SERGEF: variants seen among roughly 807,000 people sequenced by gnomAD.
SERGEF encodes the protein secretion regulating guanine nucleotide exchange factor, also known as secretion-regulating guanine nucleotide exchange factor.
Under a neutral mutation model 50.0 loss-of-function variants are expected in SERGEF, and 51 were observed. That is an observed-to-expected ratio of 1.02 (90% CI 0.81 to 1.29). The LOEUF (loss-of-function observed/expected upper bound fraction) is 1.29. Among genes scored for constraint, SERGEF ranks in the 50% most tolerant of loss-of-function variants. SERGEF has a pLI of 0.00. For missense variants in SERGEF, 521 were observed against 557.0 expected (o/e 0.94, Z 0.65); for synonymous variants, 205 against 212.4 (o/e 0.97, Z 0.30).
intron 6 of SERGEF, among the ~76,000 whole-genome samples, chr11:17,994,520 G>A (rs1012363087): frequency 1.3e-5 from 2 of 150,360 alleles, no homozygotes; most frequent in Admixed American, 6.6e-5. Context: ...TTTTCCCAGA[G>A]GGAACACAAA....
intron 10 of SERGEF, among the ~76,000 whole-genome samples, chr11:17,821,066 G>T (rs1039364157): frequency 1.3e-5 from 2 of 152,178 alleles, no homozygotes; most frequent in Non-Finnish European, 2.9e-5. Context: ...GCCACGTGAA[G>T]ACAGAGGCAG....
chr11:17,843,248 G>A (rs1030019321), intron 10 of SERGEF, among the ~76,000 whole-genome samples: 13 of 152,028 alleles, frequency 8.6e-5, no homozygotes, highest in African/African-American at 1.9e-4. Flanking sequence ...CATCCTCTGC[G>A]GCCTGGCTTG....
At chr11:17,942,430 T>C (rs1280169324) in intron 9 of SERGEF, among the ~76,000 whole-genome samples, 1 of 152,184 alleles carries the variant, frequency 6.6e-6, no homozygotes, top group Non-Finnish European at 1.5e-5. Flanking sequence ...TTGATGCTGC[T>C]ATATAAAAAA....
At chr11:17,950,378 G>A (rs144238044) in intron 9 of SERGEF, among the ~76,000 whole-genome samples, 36 of 152,256 alleles carry the variant, frequency 2.4e-4, no homozygotes, top group Non-Finnish European at 4.0e-4. Flanking sequence ...TATCTTAAAT[G>A]CTTGGCTAAG....
At chr11:17,986,858 C>T (rs1443757211) in intron 8 of SERGEF, among the ~76,000 whole-genome samples, 1 of 152,216 alleles carries the variant, frequency 6.6e-6, no homozygotes, top group Non-Finnish European at 1.5e-5. Flanking sequence ...TTGCACATCT[C>T]ATACTGGAAT....
At chr11:17,878,166 T>G in intron 10 of SERGEF, 42 bp downstream of exon 10, 1 of 1,444,050 alleles carries the variant, frequency 6.9e-7, no homozygotes, top group South Asian at 1.2e-5. Context: ...TTCTGCCACA[T>G]GATTTTCAGA....
intron 10 of SERGEF, among the ~76,000 whole-genome samples, chr11:17,862,060 C>T (rs568622733): frequency 6.6e-5 from 10 of 152,310 alleles, no homozygotes; most frequent in East Asian, 3.9e-4. Context: ...AAAGCTTTTA[C>T]GATCTGAACG....
At chr11:17,808,430 C>T (rs1047392822) in intron 10 of SERGEF, among the ~76,000 whole-genome samples, 1 of 152,096 alleles carries the variant, frequency 6.6e-6, no homozygotes, top group Non-Finnish European at 1.5e-5. Flanking sequence ...GGGGGAAGTG[C>T]CATGCGCTTT....
chr11:17,890,652 C>A (rs1405108311), intron 9 of SERGEF, among the ~76,000 whole-genome samples: 1 of 152,094 alleles, frequency 6.6e-6, no homozygotes, highest in African/African-American at 2.4e-5. Context: ...AACCCCTGGG[C>A]TCAAGCGATA....
chr11:17,889,456 A>G (rs1730559734), intron 9 of SERGEF, among the ~76,000 whole-genome samples: 1 of 152,220 alleles, frequency 6.6e-6, no homozygotes, highest in Non-Finnish European at 1.5e-5. Context: ...AGGAAAAATC[A>G]GATAAAACCA....
chr11:17,865,370 G>C (rs1218838252), intron 10 of SERGEF, among the ~76,000 whole-genome samples: 3 of 151,964 alleles, frequency 2.0e-5, no homozygotes, highest in Non-Finnish European at 4.4e-5. Flanking sequence ...TTGTTATTTT[G>C]GAGTGTATTC....
At chr11:17,818,035 G>A (rs573124594) in intron 10 of SERGEF, among the ~76,000 whole-genome samples, 3 of 152,300 alleles carry the variant, frequency 2.0e-5, no homozygotes, top group Non-Finnish European at 2.9e-5. Flanking sequence ...TCCCTAAGAC[G>A]GACAGACTTG....
At chr11:17,848,189 A>G (rs1184591584) in intron 10 of SERGEF, among the ~76,000 whole-genome samples, 1 of 152,168 alleles carries the variant, frequency 6.6e-6, no homozygotes, top group African/African-American at 2.4e-5. Flanking sequence ...AAACAAGAAG[A>G]CTGTAACAGA....
intron 1 of SERGEF, 121 bp from the exon 2 acceptor site, chr11:18,008,197 T>C (rs1044069377): frequency 2.0e-6 from 2 of 997,516 alleles, no homozygotes; most frequent in South Asian, 2.5e-5. Flanking sequence ...ATGAGATTTA[T>C]TAGGCTCATT....
chr11:18,006,395 C>T (rs1854074522), intron 3 of SERGEF, among the ~76,000 whole-genome samples, 196 bp downstream of exon 3: 1 of 152,134 alleles, frequency 6.6e-6, no homozygotes, highest in Non-Finnish European at 1.5e-5. Context: ...AGGGTGGTCT[C>T]GAACTCCTGA....
At chr11:17,939,237 G>T (rs1352612872) in intron 9 of SERGEF, among the ~76,000 whole-genome samples, 2 of 152,114 alleles carry the variant, frequency 1.3e-5, no homozygotes, top group Non-Finnish European at 2.9e-5. Flanking sequence ...GTAGAGAAAA[G>T]ACATAAGAAT....
At chr11:17,977,475 C>G (rs1287247813) in intron 8 of SERGEF, among the ~76,000 whole-genome samples, 1 of 152,136 alleles carries the variant, frequency 6.6e-6, no homozygotes, top group Non-Finnish European at 1.5e-5. Flanking sequence ...CCCTAACCTG[C>G]TCCAATAAAT....
At chr11:17,906,163 T>C (rs947728692) in intron 9 of SERGEF, among the ~76,000 whole-genome samples, 2 of 152,146 alleles carry the variant, frequency 1.3e-5, no homozygotes, top group African/African-American at 4.8e-5. Context: ...TGCTACATAG[T>C]TGGAGCAGGG....
At chr11:17,839,671 C>T (rs1359978296) in intron 10 of SERGEF, among the ~76,000 whole-genome samples, 5 of 152,296 alleles carry the variant, frequency 3.3e-5, no homozygotes, top group Admixed American at 3.3e-4. Context: ...GCAGAGCATG[C>T]AAACTCAAGC....
Sources: gnomAD v4.1 joint callset for allele counts (sites outside exome capture counted in the v4.1 genomes callset) on GRCh38, gnomAD v4.1.1 for gene constraint, MANE v1.5 for transcripts, NCBI Gene and HGNC (gene_info 2026-07-23, HGNC 2026-07-21) for gene names.